The following PLP1 variants were observed in gnomAD, a reference collection of about 807,000 sequenced individuals.
The protein encoded by PLP1 is proteolipid protein 1.
PLP1 carries 2 observed loss-of-function variants against 18.5 expected under a neutral mutation model. The observed-to-expected ratio is 0.11, with a 90% CI of 0.04 to 0.34. The LOEUF (loss-of-function observed/expected upper bound fraction) is 0.34, where lower values mean the gene tolerates loss of function less well. Ranked by LOEUF, PLP1 falls within the 10% of genes least tolerant of loss-of-function variation. The pLI is 1.00. For synonymous variants in PLP1, 86 were observed against 83.2 expected (o/e 1.03, Z -0.19); for missense variants, 105 against 207.3 (o/e 0.51, Z 3.03).
At chrX:103,785,485 A>C in intron 1 of PLP1, 97 bp from the exon 2 acceptor site, 2 of 766,602 alleles carry the variant, frequency 2.6e-6, no homozygotes, top group Non-Finnish European at 4.0e-6. Flanking sequence ...AGTGCCCACT[A>C]TCTCCGAGCC....
chrX:103,783,692 A>C (rs149817148), intron 1 of PLP1, among the ~76,000 whole-genome samples: 1 of 112,225 alleles, frequency 8.9e-6, no homozygotes, highest in African/African-American at 3.2e-5. Context: ...ACAAACTGTA[A>C]CTAATGTTAA....
At chrX:103,786,000 C>G in intron 2 of PLP1, 3 of 392,708 alleles carry the variant, frequency 7.6e-6, no homozygotes, top group Admixed American at 4.7e-5. Flanking sequence ...CCCTTGTTTT[C>G]TTACACGTGT....
At chrX:103,782,125 G>A (rs952033828) in intron 1 of PLP1, among the ~76,000 whole-genome samples, 1 of 112,362 alleles carries the variant, frequency 8.9e-6, no homozygotes, top group Non-Finnish European at 1.9e-5. Context: ...TCTGATTCTT[G>A]CTTGGACAGA....
At chrX:103,782,871 G>A (rs1012263281) in intron 1 of PLP1, among the ~76,000 whole-genome samples, 1 of 112,078 alleles carries the variant, frequency 8.9e-6, no homozygotes, top group Non-Finnish European at 1.9e-5. Context: ...AGGCTTCTTT[G>A]TCCGGGGGAG....
In PLP1 at chrX:103,792,586, A is replaced by G. The variant is rs1253899177; in HGVS notation, c.*1988A>G. 4.4e-5 allele frequency: 5 copies of G among 112,670 alleles called. No individual in the cohort carries two copies. Among genetic ancestry groups the G allele is most frequent in the African/African-American group, 1.3e-4 (4 of 30,943 alleles). The allele number at this position is 112,670 out of a possible 1,213,427, so 9.3% of individuals were successfully genotyped here. A position where few individuals can be genotyped will look rare whatever the true frequency, so the allele number is the denominator to read the frequency against. The stretch of plus-strand genomic sequence containing the variant: ...CTTACAAAGTGTATTTTATAAAATT[A>G]AAGAAAATAAAATTAAGAATGTTCT... On this transcript the variant is annotated 3_prime_UTR_variant, in exon 7 of 7. Transcript: ENST00000621218.
At chrX:103,785,977 T>TG in intron 2 of PLP1, 1 of 419,707 alleles carries the variant, frequency 2.4e-6, no homozygotes, top group Non-Finnish European at 4.1e-6. Context: ...TGTCAGCCCC[T>TG]CCCACCCCCG....
chrX:103,781,232 G>C (rs919107687), intron 1 of PLP1: 2 of 305,142 alleles, frequency 6.6e-6, no homozygotes, highest in East Asian at 2.0e-4. Flanking sequence ...GAGGGAGGGA[G>C]GGTTGGGAGC....
At chrX:103,786,007 G>A (rs775463433) in intron 2 of PLP1, 4 of 445,758 alleles carry the variant, frequency 9.0e-6, no homozygotes, top group Admixed American at 4.7e-5. Context: ...TTTCTTACAC[G>A]TGTTCTGACT....
At chrX:103,787,326 T>C (rs756827206) in intron 3 of PLP1, among the ~76,000 whole-genome samples, 12 of 111,437 alleles carry the variant, frequency 1.1e-4, no homozygotes, top group Non-Finnish European at 2.1e-4. Flanking sequence ...ATGTGTGGGT[T>C]CCAGCAATGT....
chrX:103,779,782 C>T (rs1454216067), intron 1 of PLP1: 1 of 112,182 alleles, frequency 8.9e-6, no homozygotes, highest in Non-Finnish European at 1.9e-5. Context: ...AGTCTCCAAA[C>T]CCATTAAGGT....
rs1224746548 is a variant in PLP1 at position 103,776,989 on chromosome X, C to T, written c.-7C>T. Reference sequence around the variant, plus strand: ...CCGGCTACAATTGGAGTCAGAGTCCCAAAGACATGGGTAAGTTTCAAAAAC... The same window carrying T: ...CCGGCTACAATTGGAGTCAGAGTCCTAAAGACATGGGTAAGTTTCAAAAAC... On this transcript the variant is annotated 5_prime_UTR_variant, in exon 1 of 7. Transcript: ENST00000621218. The T allele has an allele frequency of 4.2e-6, 5 of 1,203,541 alleles. No individual in the cohort carries two copies. Among genetic ancestry groups the T allele is most frequent in the Admixed American group, 2.2e-5 (1 of 45,985 alleles).
At position 103,791,933 on chromosome X, in the gene PLP1, T is replaced by C. The variant is rs1047677217; in HGVS notation, c.*1335T>C. On this transcript the variant is annotated 3_prime_UTR_variant, in exon 7 of 7. Coordinates refer to ENST00000621218, the MANE Select transcript of PLP1 (RefSeq NM_000533.5). ...AAAATGATTTTACTTAGCAATGTTA[T>C]CTTGGTGTGTTAAGAGTTAGGTTTA... 8.9e-6 allele frequency: 1 copy of C among 112,340 alleles called. No homozygotes were observed. The highest frequency in any genetic ancestry group is 1.9e-5 in the Non-Finnish European group (1 of 53,262). The allele number at this position is 112,340 out of a possible 1,213,427, so 9.3% of individuals were successfully genotyped here. A position where few individuals can be genotyped will look rare whatever the true frequency, so the allele number is the denominator to read the frequency against.
At chrX:103,788,357 G>A in intron 4 of PLP1, 80 bp from the exon 5 acceptor site, 4 of 709,455 alleles carry the variant, frequency 5.6e-6, no homozygotes, top group Non-Finnish European at 9.2e-6. Flanking sequence ...AGAGATGGAA[G>A]AAGGGCTCTG....
At chrX:103,786,257 CAT>C in intron 2 of PLP1, 1 of 1,123,370 alleles carries the variant, frequency 8.9e-7, no homozygotes. Context: ...GCGGGAGGGG[CAT>C]ATGTTTCTGG....
chrX:103,781,029 AGGG>A (rs2074449400), intron 1 of PLP1: 1 of 191,887 alleles, frequency 5.2e-6, no homozygotes, highest in African/African-American at 2.9e-5. Context: ...TCTATTGTAT[AGGG>A]TTCTTCTATC....
chrX:103,786,263 T>A, intron 2 of PLP1: 17 of 1,119,038 alleles, frequency 1.5e-5, no homozygotes, highest in Non-Finnish European at 2.0e-5. Flanking sequence ...GGGGCATATG[T>A]TTCTGGTCAC....
intron 1 of PLP1, among the ~76,000 whole-genome samples, chrX:103,785,223 C>T (rs1225440791): frequency 1.8e-5 from 2 of 111,185 alleles, no homozygotes; most frequent in Non-Finnish European, 3.8e-5. Flanking sequence ...GGATTACAGG[C>T]ATACGCCCAT....
chrX:103,778,837 C>T (rs771185742), intron 1 of PLP1, among the ~76,000 whole-genome samples: 19 of 112,337 alleles, frequency 1.7e-4, no homozygotes, highest in African/African-American at 6.1e-4. Context: ...ATGTGGAGTG[C>T]ACTGCTGTTC....
At position 103,792,468 on chromosome X, in the gene PLP1, CAAAG is replaced by C; in HGVS notation, c.*1872_*1875del. On this transcript the variant is annotated 3_prime_UTR_variant, in exon 7 of 7. Transcript: ENST00000621218. ...GCATACATACACATATATACACACA[CAAAG>C]AGAGTTAATCAACTGAAAGTGTTTC... is the stretch of plus-strand genomic sequence containing the variant. 1 of 112,535 alleles carries C rather than the reference CAAAG, an allele frequency of 8.9e-6. No individual in the cohort carries two copies. The highest frequency in any genetic ancestry group is 1.9e-5 in the Non-Finnish European group (1 of 53,219). 9.3% of individuals were successfully genotyped at this position (112,535 alleles called of 1,213,427 possible).
Sources: allele counts gnomAD v4.1 joint callset (sites outside exome capture counted in the v4.1 genomes callset), GRCh38; gene constraint gnomAD v4.1.1; transcripts MANE v1.5; gene names NCBI Gene and HGNC (gene_info 2026-07-23, HGNC 2026-07-21).